GOLGA3: variants seen among roughly 807,000 people sequenced by gnomAD.
GOLGA3 encodes the protein golgin A3, also known as golgin subfamily A member 3.
In GOLGA3, 75 loss-of-function variants were observed where a neutral mutation model predicts 169.4. That is an observed-to-expected ratio of 0.44 (90% CI 0.37 to 0.54). The LOEUF (loss-of-function observed/expected upper bound fraction) is 0.54, where lower values mean the gene tolerates loss of function less well. Among genes scored for constraint, GOLGA3 ranks in the 20% least tolerant of loss-of-function variants. GOLGA3 has a pLI of 0.00. For missense variants in GOLGA3, 1,899 were observed against 1,930.0 expected (o/e 0.98, Z 0.30); for synonymous variants, 824 against 822.4 (o/e 1.00, Z -0.03).
Position 132,782,396 on chromosome 12 carries a change from G to GT in GOLGA3, c.3364dup (p.Thr1122AsnfsTer84). ...AGCTGCGTTGGACTGACCGAGGCCC[G>GT]TAAGCTTCCCTTTCTCGTGCTCTAA... On this transcript the variant is annotated frameshift_variant, in exon 17 of 24. Coordinates refer to ENST00000450791, the MANE Select transcript of GOLGA3 (RefSeq NM_001389683.1). LOFTEE classifies it high-confidence loss of function. The GT allele has an allele frequency of 6.2e-7, 1 of 1,614,138 alleles. No individual in the cohort carries two copies. Among genetic ancestry groups the GT allele is most frequent in the Non-Finnish European group, 8.5e-7 (1 of 1,179,934 alleles).
intron 15 of GOLGA3, among the ~76,000 whole-genome samples, chr12:132,784,707 ACACAC>A (rs2045799600): frequency 7.0e-6 from 1 of 142,098 alleles, no homozygotes; most frequent in Admixed American, 6.9e-5. Flanking sequence ...TTCACATCCC[ACACAC>A]CACACACACA....
chr12:132,788,999 C>G (rs2046078729), intron 13 of GOLGA3, 28 bp downstream of exon 13: 1 of 1,278,864 alleles, frequency 7.8e-7, no homozygotes, highest in African/African-American at 1.6e-5. Context: ...TCCTCCCCAT[C>G]AAATGAGTCA....
At chr12:132,822,720 A>C (rs1950266564) in intron 1 of GOLGA3, among the ~76,000 whole-genome samples, 1 of 152,176 alleles carries the variant, frequency 6.6e-6, no homozygotes, top group South Asian at 2.1e-4. Context: ...CAGGAGTTCA[A>C]GACCAGCCTG....
chr12:132,781,046 G>C, intron 17 of GOLGA3, 132 bp from the exon 18 acceptor site: 1 of 675,128 alleles, frequency 1.5e-6, no homozygotes, highest in Non-Finnish European at 2.6e-6. Flanking sequence ...CTTCACTGCT[G>C]AAGAATCTGT....
At chr12:132,776,458 C>A (rs7303268) in intron 21 of GOLGA3, among the ~76,000 whole-genome samples, 176 bp downstream of exon 21, 225 of 120,684 alleles carry the variant, frequency 1.9e-3, no homozygotes, top group South Asian at 2.8e-3. Context: ...CTGTACCCAG[C>A]GCCTCACACA....
In GOLGA3 at chr12:132,801,978, G is replaced by C; in HGVS notation, c.1598-9C>G. The C allele has an allele frequency of 6.3e-7, 1 of 1,591,890 alleles. No individual in the cohort carries two copies. The highest frequency in any genetic ancestry group is 8.5e-7 in the Non-Finnish European group (1 of 1,173,830). On this transcript the variant is annotated splice_polypyrimidine_tract_variant and intron_variant, in intron 7 of 23. Coordinates refer to ENST00000450791, the MANE Select transcript of GOLGA3 (RefSeq NM_001389683.1). ...CTGTCGCAGGTCGTGCACTGAAATG[G>C]GGCAAGCACAGCGGCTCAGGCCAGC...
chr12:132,780,773 C>T, intron 18 of GOLGA3, 25 bp downstream of exon 18: 4 of 1,456,102 alleles, frequency 2.7e-6, no homozygotes, highest in Non-Finnish European at 3.8e-6. Context: ...CTGGAACGCC[C>T]TGTGAGACGG....
intron 1 of GOLGA3, among the ~76,000 whole-genome samples, chr12:132,824,411 G>A (rs1593408695): frequency 6.6e-6 from 1 of 152,228 alleles, no homozygotes; most frequent in Non-Finnish European, 1.5e-5. Context: ...ATATTAAAAG[G>A]TTACGTATGC....
At chr12:132,821,930 ACACCACGTCCTCCCT>A in intron 2 of GOLGA3, 51 bp downstream of exon 2, 2 of 1,033,768 alleles carry the variant, frequency 1.9e-6, no homozygotes, top group East Asian at 9.8e-5. Context: ...TCCTCCCTCA[ACACCACGTCCTCCCT>A]CAACACCAGG....
intron 7 of GOLGA3, among the ~76,000 whole-genome samples, chr12:132,803,050 C>T (rs1023863852): frequency 2.8e-5 from 4 of 142,470 alleles, no homozygotes; most frequent in Admixed American, 7.3e-5. Context: ...AGTGAAACTC[C>T]GTCTCAAAAA....
In GOLGA3 at chr12:132,807,959, AGCGGCT is replaced by A; in HGVS notation, c.1104_1109del (p.Ala369_Ala370del). 1 of 1,612,810 alleles carries A rather than the reference AGCGGCT, an allele frequency of 6.2e-7. No individual in the cohort carries two copies. The highest frequency in any genetic ancestry group is 8.5e-7 in the Non-Finnish European group (1 of 1,179,810). The stretch of plus-strand genomic sequence containing the variant: ...CCTCCTGCCCCTGGTCTTGGTGCTC[AGCGGCT>A]GCGGCCTGGAGGACGTCCTTAATGG... On this transcript the variant is annotated inframe_deletion, in exon 5 of 24. Coordinates refer to ENST00000450791, the MANE Select transcript of GOLGA3 (RefSeq NM_001389683.1).
chr12:132,805,559 C>T (rs1200286779), intron 6 of GOLGA3, among the ~76,000 whole-genome samples: 27 of 56,360 alleles, frequency 4.8e-4, no homozygotes, highest in East Asian at 1.1e-3. Context: ...GACCCCCAGG[C>T]GCTCTCCCAA....
Position 132,801,827 on chromosome 12 carries a change from C to T in GOLGA3, c.1740G>A (p.Gln580=). 2 of 1,609,906 alleles carry T rather than the reference C, an allele frequency of 1.2e-6. No individual in the cohort carries two copies. Among genetic ancestry groups the T allele is most frequent in the South Asian group, 1.1e-5 (1 of 91,084 alleles). Residue 580 remains glutamine (Q), a synonymous_variant, in exon 8 of 24, where the codon CAG becomes CAA. Transcript: ENST00000450791. Reference sequence around the variant, plus strand: ...GGGCCTCCTGTGCCAGGGCGAGCTGCTGCTGGTACCACTGCCGGACACTCT... The same window carrying T: ...GGGCCTCCTGTGCCAGGGCGAGCTGTTGCTGGTACCACTGCCGGACACTCT... ...SLQSVRQWYQ[Q]QLALAQEARV...
chr12:132,773,292 T>C lies in GOLGA3; in HGVS notation c.4310A>G (p.Gln1437Arg). Reference sequence around the variant, plus strand: ...CTGGCGCTGCAGGCTGTCCATCTCCTGCCTGGGACAGAAGAAGGAGGAAGA... The same window carrying C: ...CTGGCGCTGCAGGCTGTCCATCTCCCGCCTGGGACAGAAGAAGGAGGAAGA... ...NLNSCLQQLK[Q>R]EMDSLQRQME... is the part of the protein sequence containing the mutation. Residue 1437 changes from glutamine to arginine, a missense_variant and splice_region_variant, in exon 24 of 24, where the codon CAG (glutamine) becomes CGG (arginine). Gln to Arg is a conservative substitution (Grantham distance 43). Transcript: ENST00000450791. The C allele has an allele frequency of 7.1e-7, 1 of 1,404,102 alleles. No individual in the cohort carries two copies. Among genetic ancestry groups the C allele is most frequent in the East Asian group, 2.8e-5 (1 of 35,516 alleles). The allele number at this position is 1,404,102 out of a possible 1,614,324, so 87.0% of individuals were successfully genotyped here.
upstream of GOLGA3, chr12:132,828,936 G>A (rs3825109): frequency 0.27 from 41,199 of 152,264 alleles, 5,924 homozygotes; most frequent in Middle Eastern, 0.44. Context: ...CTTTCGTTCC[G>A]GAACAGAGAA....
chr12:132,812,229 A>ATAT (rs1949756523), intron 4 of GOLGA3, among the ~76,000 whole-genome samples: 1 of 143,842 alleles, frequency 7.0e-6, no homozygotes. Flanking sequence ...ATATATATAT[A>ATAT]TTTTTTTTAA....
At chr12:132,807,051 T>C (rs1158926513) in intron 6 of GOLGA3, 126 bp downstream of exon 6, 2 of 595,248 alleles carry the variant, frequency 3.4e-6, no homozygotes, top group Admixed American at 2.8e-5. Flanking sequence ...TGCAGAACCC[T>C]CGGCTGCCAC....
chr12:132,776,292 C>A (rs992065036), intron 21 of GOLGA3, among the ~76,000 whole-genome samples: 9 of 148,188 alleles, frequency 6.1e-5, no homozygotes, highest in Non-Finnish European at 1.0e-4. Context: ...CTGCTCCCGC[C>A]TGTGCCCAGC....
In GOLGA3 at chr12:132,782,400, G is replaced by A. The variant is rs1566078285; in HGVS notation, c.3361C>T (p.Leu1121Phe). 6.2e-7 allele frequency: 1 copy of A among 1,614,192 alleles called. No homozygotes were observed. Among genetic ancestry groups the A allele is most frequent in the Non-Finnish European group, 8.5e-7 (1 of 1,179,978 alleles). Residue 1121 changes from leucine to phenylalanine, a missense_variant, in exon 17 of 24, where the codon CTT becomes TTT. Coordinates refer to ENST00000450791, the MANE Select transcript of GOLGA3 (RefSeq NM_001389683.1). ...GCGTTGGACTGACCGAGGCCCGTAAGCTTCCCTTTCTCGTGCTCTAATTCA... is the reference window on the plus strand; with the variant it reads ...GCGTTGGACTGACCGAGGCCCGTAAACTTCCCTTTCTCGTGCTCTAATTCA... ...ALELEHEKGKLTGLGQSNAAL... is the reference protein window; with the variant it reads ...ALELEHEKGKFTGLGQSNAAL...
Sources: allele counts gnomAD v4.1 joint callset (sites outside exome capture counted in the v4.1 genomes callset), GRCh38; gene constraint gnomAD v4.1.1; transcripts MANE v1.5; gene names NCBI Gene and HGNC (gene_info 2026-07-23, HGNC 2026-07-21).